The following CAMTA1 variants were observed in gnomAD, a reference collection of about 807,000 sequenced individuals.
The protein encoded by CAMTA1 is calmodulin-binding transcription activator 1.
Under a neutral mutation model 170.9 loss-of-function variants are expected in CAMTA1, and 27 were observed. The observed-to-expected ratio is 0.16, with a 90% CI of 0.12 to 0.22. The LOEUF (loss-of-function observed/expected upper bound fraction) is 0.22, where lower values mean the gene tolerates loss of function less well. CAMTA1 is among the 10% of genes least tolerant of loss of function. The pLI, the probability that CAMTA1 is intolerant of heterozygous loss-of-function variation, is 1.00. For synonymous variants in CAMTA1, 833 were observed against 891.5 expected, an observed-to-expected ratio of 0.93 and a Z score of 1.17; for missense variants, 1,619 against 2,217.2, an observed-to-expected ratio of 0.73 and a Z score of 5.42.
chr1:6,848,882 G>A (rs1321954929), intron 3 of CAMTA1, among the ~76,000 whole-genome samples: 1 of 152,122 alleles, frequency 6.6e-6, no homozygotes. Flanking sequence ...GGGTACTTCC[G>A]GGAAAACAAA....
At position 7,310,698 on chromosome 1, in the gene CAMTA1, CTCTCTTTCTT is replaced by C. The variant is rs1315948710; in HGVS notation, c.438+61076_438+61085del. ...TTTCTTTCTCTCTCTCTCTCTCTCT[CTCTCTTTCTT>C]TCTTTCTTTCTTTCTTTCTTTCTTT... is the stretch of plus-strand genomic sequence containing the variant. On this transcript the variant is annotated intron_variant, in intron 5 of 22. Transcript: ENST00000303635. Among the ~76,000 whole-genome samples the C allele has an allele frequency of 1.7e-4, 9 of 52,648 alleles. 1 individual carries two copies. Among genetic ancestry groups the C allele is most frequent in the African/African-American group, 6.1e-4 (6 of 9,894 alleles). The allele number at this position is 52,648 out of a possible 152,430, so 34.5% of individuals were successfully genotyped here.
At chr1:7,491,330 C>T (rs956135521) in intron 6 of CAMTA1, among the ~76,000 whole-genome samples, 1 of 152,204 alleles carries the variant, frequency 6.6e-6, no homozygotes, top group Non-Finnish European at 1.5e-5. Context: ...GGTGAACTCT[C>T]ACCCCCACCT....
At position 7,014,606 on chromosome 1, in the gene CAMTA1, C is replaced by T. The variant is rs1460025560; in HGVS notation, c.235-76698C>T. Among the ~76,000 whole-genome samples the T allele has an allele frequency of 2.6e-5, 4 of 152,182 alleles. No homozygotes were observed. The highest frequency in any genetic ancestry group is 7.2e-5 in the African/African-American group (3 of 41,454). On this transcript the variant is annotated intron_variant, in intron 3 of 22. Transcript: ENST00000303635. This position sits in a 1 kb window ranked among gnomAD's most constrained non-coding sequence, Gnocchi z 4.2. ...CTTCTGTTTTAAGGCAGCAAAACAG[C>T]GTGCGAGCTTGGTCCCTTAACACGG... is the stretch of plus-strand genomic sequence containing the variant.
At chr1:6,850,825 G>C (rs1177296828) in intron 3 of CAMTA1, among the ~76,000 whole-genome samples, 1 of 152,160 alleles carries the variant, frequency 6.6e-6, no homozygotes, top group African/African-American at 2.4e-5. Context: ...GTTTGGCTCA[G>C]ATCAGGGAGC....
chr1:7,765,393 G>A (rs2097013228), intron 22 of CAMTA1, among the ~76,000 whole-genome samples: 1 of 152,192 alleles, frequency 6.6e-6, no homozygotes, highest in Non-Finnish European at 1.5e-5. Context: ...CAGATTGGCA[G>A]TGATAATTAA....
intron 19 of CAMTA1, among the ~76,000 whole-genome samples, chr1:7,750,023 C>T (rs1309844780): frequency 6.6e-6 from 1 of 152,196 alleles, no homozygotes; most frequent in Non-Finnish European, 1.5e-5. Flanking sequence ...GTTAATCCAT[C>T]TAAGCCAGTT....
intron 3 of CAMTA1, among the ~76,000 whole-genome samples, chr1:7,036,654 G>A (rs1276008851): frequency 6.6e-6 from 1 of 152,220 alleles, no homozygotes; most frequent in East Asian, 1.9e-4. Context: ...AACATCTGAG[G>A]TGATTGGCTT....
At chr1:7,124,197 G>C (rs1006333605) in intron 4 of CAMTA1, among the ~76,000 whole-genome samples, 2 of 152,152 alleles carry the variant, frequency 1.3e-5, no homozygotes, top group Non-Finnish European at 1.5e-5. Context: ...GCAACAAGCT[G>C]TTCTGGCTGG....
At chr1:7,087,303 C>T (rs1467810345) in intron 3 of CAMTA1, among the ~76,000 whole-genome samples, 1 of 152,202 alleles carries the variant, frequency 6.6e-6, no homozygotes, top group African/African-American at 2.4e-5. Context: ...CAAAGGGCTC[C>T]ATGGAGACAA....
rs146128615 is a variant in CAMTA1, at chr1:7,185,620, T to C, written c.303-63871T>C. Among the ~76,000 whole-genome samples the C allele has an allele frequency of 6.1e-3, 926 of 152,332 alleles. 4 individuals carry two copies. The highest frequency in any genetic ancestry group is 0.021 in the African/African-American group (891 of 41,576). On this transcript the variant is annotated intron_variant, in intron 4 of 22. Transcript: ENST00000303635. Reference sequence around the variant, plus strand: ...ATTACAATTTTACATTGAAGAAATATAGCAGACACTACCTGAATCAAGTGA... The same window carrying C: ...ATTACAATTTTACATTGAAGAAATACAGCAGACACTACCTGAATCAAGTGA...
chr1:7,080,275 TA>T (rs376110523), intron 3 of CAMTA1, among the ~76,000 whole-genome samples: 3,408 of 152,230 alleles, frequency 0.022, 39 homozygotes, highest in African/African-American at 0.025. Context: ...AATGTTTTTT[TA>T]ATCTCTCAAA....
chr1:7,216,872 G>A lies in CAMTA1; in HGVS notation c.303-32619G>A, dbSNP rs1448593892. 1.3e-5 allele frequency among the ~76,000 whole-genome samples: 2 copies of A among 152,054 alleles called. No homozygotes were observed. The highest frequency in any genetic ancestry group is 2.9e-5 in the Non-Finnish European group (2 of 67,998). ...TGTTTGGTGCACTAATACTCATTAT[G>A]GTTATATTTTTATTGTGGAATGTGA... On this transcript the variant is annotated intron_variant, in intron 4 of 22. Transcript: ENST00000303635. The surrounding 1 kb of genome is among the most constrained non-coding windows in gnomAD (Gnocchi z 4.0).
chr1:6,809,686 C>T lies in CAMTA1; in HGVS notation c.46-10495C>T, dbSNP rs78221637. Reference sequence around the variant, plus strand: ...GGGGAGCAGAGAAGGGGCCTGAGGGCAGAAATGTGATGAATGCTTACATTT... The same window carrying T: ...GGGGAGCAGAGAAGGGGCCTGAGGGTAGAAATGTGATGAATGCTTACATTT... On this transcript the variant is annotated intron_variant, in intron 1 of 22. Coordinates refer to ENST00000303635, the MANE Select transcript of CAMTA1 (RefSeq NM_015215.4). Among the ~76,000 whole-genome samples, 24 of 152,076 alleles carry T rather than the reference C, an allele frequency of 1.6e-4. No individual in the cohort carries two copies. In the East Asian group the frequency reaches 3.9e-3, roughly 25 times the overall value.
rs1036246816 is a variant in CAMTA1 at position 7,583,621 on chromosome 1, C to G, written c.511-56779C>G. Reference sequence around the variant, plus strand: ...CTGAGCATTTCTGCCAGGACAAAAGCCACATCCCAGAGCTTATCCCTGACA... The same window carrying G: ...CTGAGCATTTCTGCCAGGACAAAAGGCACATCCCAGAGCTTATCCCTGACA... On this transcript the variant is annotated intron_variant, in intron 6 of 22. Coordinates refer to ENST00000303635, the MANE Select transcript of CAMTA1 (RefSeq NM_015215.4). 2.6e-5 allele frequency among the ~76,000 whole-genome samples: 4 copies of G among 152,236 alleles called. No individual in the cohort carries two copies. The South Asian group carries it at 8.3e-4, about 32-fold the overall frequency.
intron 3 of CAMTA1, among the ~76,000 whole-genome samples, chr1:6,850,235 T>C (rs1215346443): frequency 6.6e-6 from 1 of 152,178 alleles, no homozygotes; most frequent in East Asian, 1.9e-4. Context: ...GAAATTTTCA[T>C]GTAAATCCAG....
At chr1:7,232,332 C>T (rs935749000) in intron 4 of CAMTA1, among the ~76,000 whole-genome samples, 7 of 152,316 alleles carry the variant, frequency 4.6e-5, no homozygotes, top group Non-Finnish European at 8.8e-5. Context: ...CTCGCTTCCC[C>T]GGAGGCACCG....
chr1:7,719,384 G>A (rs1390532449), intron 11 of CAMTA1, among the ~76,000 whole-genome samples: 2 of 152,198 alleles, frequency 1.3e-5, no homozygotes, highest in African/African-American at 2.4e-5. Flanking sequence ...TCTAATCACT[G>A]TTGGTCCGTT....
chr1:7,459,883 C>G (rs2093042314), intron 5 of CAMTA1, among the ~76,000 whole-genome samples: 1 of 152,218 alleles, frequency 6.6e-6, no homozygotes, highest in Non-Finnish European at 1.5e-5. Context: ...GAAATGGAGA[C>G]ATGGGATGGT....
intron 6 of CAMTA1, among the ~76,000 whole-genome samples, chr1:7,564,374 G>A (rs2095006980): frequency 6.6e-6 from 1 of 152,254 alleles, no homozygotes. Flanking sequence ...GGGAGGGACA[G>A]CGGTTATAGT....
Sources: allele counts gnomAD v4.1 joint callset (sites outside exome capture counted in the v4.1 genomes callset), GRCh38; gene constraint gnomAD v4.1.1; non-coding constraint Gnocchi (gnomAD v3.1); transcripts MANE v1.5; gene names NCBI Gene and HGNC (gene_info 2026-07-23, HGNC 2026-07-21).